The following VPS13D variants were observed in gnomAD, a reference collection of about 807,000 sequenced individuals.
VPS13D encodes the protein vacuolar protein sorting 13 homolog D, also known as intermembrane lipid transfer protein VPS13D.
A neutral mutation model predicts 461.9 loss-of-function variants in VPS13D; 187 were observed. The ratio of observed to expected loss-of-function variants is 0.40; its 90% CI spans 0.36 to 0.46. The LOEUF (loss-of-function observed/expected upper bound fraction) is 0.46. Ranked by LOEUF, VPS13D falls within the 20% of genes least tolerant of loss-of-function variation. The probability of loss-of-function intolerance (pLI) is 0.60; values close to 1 mark genes in which losing one functional copy is unlikely to be tolerated. For missense variants in VPS13D, 4,711 were observed against 5,364.9 expected, an observed-to-expected ratio of 0.88 and a Z score of 3.81; for synonymous variants, 1,951 against 1,986.3, an observed-to-expected ratio of 0.98 and a Z score of 0.47.
chr1:12,302,162 T>A (rs1338387314), intron 25 of VPS13D, among the ~76,000 whole-genome samples: 1 of 152,242 alleles, frequency 6.6e-6, no homozygotes, highest in Non-Finnish European at 1.5e-5. Flanking sequence ...AAAGATACAA[T>A]AAAAATGCTG....
At chr1:12,409,321 C>T (rs576005337) in intron 63 of VPS13D, among the ~76,000 whole-genome samples, 316 of 152,070 alleles carry the variant, frequency 2.1e-3, no homozygotes, top group Non-Finnish European at 3.9e-3. Context: ...CCCTTTCTTC[C>T]ATTATATGAT....
At chr1:12,424,415 C>A (rs1324964833) in intron 65 of VPS13D, among the ~76,000 whole-genome samples, 1 of 152,074 alleles carries the variant, frequency 6.6e-6, no homozygotes, top group Non-Finnish European at 1.5e-5. Context: ...AATGACTCAC[C>A]CTAACTTGGG....
intron 26 of VPS13D, among the ~76,000 whole-genome samples, chr1:12,306,413 G>T (rs976428869): frequency 6.6e-6 from 1 of 152,136 alleles, no homozygotes; most frequent in Non-Finnish European, 1.5e-5. Context: ...ACACAGAGGG[G>T]GCTGCACCTG....
At chr1:12,337,404 A>G (rs1157967393) in intron 39 of VPS13D, 1 of 152,226 alleles carries the variant, frequency 6.6e-6, no homozygotes, top group African/African-American at 2.4e-5. Context: ...GTCTTATTCA[A>G]GAATAGTAAG....
chr1:12,401,574 T>A, intron 61 of VPS13D, 34 bp from the exon 62 acceptor site: 1 of 1,541,844 alleles, frequency 6.5e-7, no homozygotes, highest in African/African-American at 1.4e-5. Flanking sequence ...CCTTCTGGTG[T>A]TCACACTTTA....
At chr1:12,331,711 TAAAA>T (rs757913489) in intron 37 of VPS13D, among the ~76,000 whole-genome samples, 1 of 106,220 alleles carries the variant, frequency 9.4e-6, no homozygotes. Context: ...GACTCTGTCT[TAAAA>T]AAAAAAAAAA....
rs763825618 is a variant in VPS13D at position 12,345,514 on chromosome 1, G to A, written c.9021+5G>A. 2 of 1,606,248 alleles carry A rather than the reference G, an allele frequency of 1.2e-6. No homozygotes were observed. The highest frequency in any genetic ancestry group is 1.1e-5 in the South Asian group (1 of 90,798). ...AAAAATTCATCTTCCTCTACGGTGT[G>A]TGACATTCAGGAAGTCAGATGGTTA... On this transcript the variant is annotated splice_donor_5th_base_variant and intron_variant, in intron 43 of 69. Coordinates refer to ENST00000620676, the MANE Select transcript of VPS13D (RefSeq NM_015378.4).
At chr1:12,476,142 T>C (rs2100466015) in intron 67 of VPS13D, among the ~76,000 whole-genome samples, 1 of 152,330 alleles carries the variant, frequency 6.6e-6, no homozygotes, top group South Asian at 2.1e-4. Flanking sequence ...GCAGCTCTCT[T>C]TGTCCTGGTT....
At position 12,354,161 on chromosome 1, in the gene VPS13D, C is replaced by T; in HGVS notation, c.9619C>T (p.Leu3207=). 6.2e-7 allele frequency: 1 copy of T among 1,614,178 alleles called. No individual in the cohort carries two copies. The highest frequency in any genetic ancestry group is 8.5e-7 in the Non-Finnish European group (1 of 1,180,040). ...TAAAGGAATGCCAATTAATGGGACG[C>T]TGAAACCTGGCAAGGAGGCAGCTCT... ...YVKGMPINGT[L]KPGKEAALHT... is the part of the protein sequence containing the mutation. The change falls in exon 47 of 70, where the codon CTG becomes TTG. Residue 3207 remains leucine (L), a synonymous_variant. Coordinates refer to ENST00000620676, the MANE Select transcript of VPS13D (RefSeq NM_015378.4).
chr1:12,361,161 TG>T (rs1643941124), intron 50 of VPS13D, among the ~76,000 whole-genome samples: 1 of 152,150 alleles, frequency 6.6e-6, no homozygotes, highest in African/African-American at 2.4e-5. Context: ...GGGGATTCAG[TG>T]TAAAGCCTTT....
intron 34 of VPS13D, 117 bp downstream of exon 34, chr1:12,322,863 T>A: frequency 1.1e-6 from 1 of 879,216 alleles, no homozygotes; most frequent in Non-Finnish European, 1.7e-6. Flanking sequence ...TGTCATTAAG[T>A]ATAACTGTAA....
intron 19 of VPS13D, among the ~76,000 whole-genome samples, chr1:12,278,564 C>T (rs1002913296): frequency 3.9e-5 from 6 of 152,190 alleles, no homozygotes; most frequent in African/African-American, 4.8e-5. Context: ...TGTGACCAGC[C>T]GCGCCCAGGC....
intron 21 of VPS13D, among the ~76,000 whole-genome samples, chr1:12,287,330 T>C (rs9430728): frequency 0.21 from 32,288 of 152,052 alleles, 6,197 homozygotes; most frequent in African/African-American, 0.51. Flanking sequence ...AAATGATTTT[T>C]TTTCTTCCTT....
chr1:12,493,063 G>A (rs1645905095), intron 67 of VPS13D, among the ~76,000 whole-genome samples: 1 of 146,968 alleles, frequency 6.8e-6, no homozygotes, highest in Admixed American at 6.9e-5. Flanking sequence ...CCACGATTGA[G>A]TGATGGAGTT....
Position 12,276,631 on chromosome 1 carries a change from G to T in VPS13D, c.3043G>T (p.Asp1015Tyr). Reference protein sequence around the residue: ...LVDTMQTYGADFDLLMASHKN... With the variant: ...LVDTMQTYGAYFDLLMASHKN... The stretch of plus-strand genomic sequence containing the variant: ...GGATACCATGCAGACATATGGTGCT[G>T]ATTTTGACCTTTTGATGGCTTCACA... The change falls in exon 19 of 70, where the codon GAT becomes TAT. Residue 1015 changes from aspartate (D) to tyrosine (Y), a missense_variant. This residue lies in a region of VPS13D where 4,411 missense variants were observed against 4,937.8 expected (regional missense o/e 0.89). Transcript: ENST00000620676. This position sits in a 1 kb window ranked among gnomAD's most constrained non-coding sequence, Gnocchi z 4.5. The T allele has an allele frequency of 6.2e-7, 1 of 1,614,172 alleles. No homozygotes were observed. Among genetic ancestry groups the T allele is most frequent in the Non-Finnish European group, 8.5e-7 (1 of 1,180,026 alleles).
Position 12,262,092 on chromosome 1 carries a change from C to G in VPS13D, c.1594+12C>G, listed in dbSNP as rs1641126787. 1.9e-6 allele frequency: 3 copies of G among 1,599,322 alleles called. 1 individual carries two copies. The highest frequency in any genetic ancestry group is 3.3e-4 in the Middle Eastern group (2 of 5,996). ...GCTCGAGTTTTCAGGTACACTGCCC[C>G]CAAGAAACTACCTGCCACTGTTGTC... is the stretch of plus-strand genomic sequence containing the variant. On this transcript the variant is annotated intron_variant, in intron 13 of 69. Transcript: ENST00000620676.
chr1:12,365,340 G>A (rs2101619706), intron 52 of VPS13D, among the ~76,000 whole-genome samples: 1 of 152,262 alleles, frequency 6.6e-6, no homozygotes, highest in East Asian at 1.9e-4. Context: ...ATAGGGTTTT[G>A]TAGTATTGAC....
At chr1:12,385,083 A>T (rs1353793301) in intron 58 of VPS13D, among the ~76,000 whole-genome samples, 177 bp from the exon 59 acceptor site, 1 of 152,176 alleles carries the variant, frequency 6.6e-6, no homozygotes, top group Non-Finnish European at 1.5e-5. Flanking sequence ...GCAGACTTGA[A>T]ACCAAGTTTG....
At chr1:12,374,379 GGTTT>G (rs1325648787) in intron 55 of VPS13D, among the ~76,000 whole-genome samples, 3 of 151,964 alleles carry the variant, frequency 2.0e-5, no homozygotes, top group East Asian at 3.9e-4. Context: ...GTTTTTGTTT[GGTTT>G]GTTTTTGTTT....
Sources: allele counts gnomAD v4.1 joint callset (sites outside exome capture counted in the v4.1 genomes callset), GRCh38; gene constraint gnomAD v4.1.1; regional missense constraint gnomAD v4.1.1; non-coding constraint Gnocchi (gnomAD v3.1); transcripts MANE v1.5; gene names NCBI Gene and HGNC (gene_info 2026-07-23, HGNC 2026-07-21).